The following KIR2DL1 variants were observed in gnomAD, a reference collection of about 807,000 sequenced individuals.
The protein encoded by KIR2DL1 is killer cell immunoglobulin like receptor, two Ig domains and long cytoplasmic tail 1.
Under a neutral mutation model 33.9 loss-of-function variants are expected in KIR2DL1, and 38 were observed. That is an observed-to-expected ratio of 1.12 (90% CI 0.86 to 1.47). The LOEUF (loss-of-function observed/expected upper bound fraction) is 1.47, where lower values mean the gene tolerates loss of function less well. Ranked by LOEUF, KIR2DL1 falls within the 40% of genes most tolerant of loss-of-function variation. The pLI, the probability that KIR2DL1 is intolerant of heterozygous loss-of-function variation, is 0.00. For missense variants in KIR2DL1, 531 were observed against 433.9 expected, an observed-to-expected ratio of 1.22 and a Z score of -1.99; for synonymous variants, 179 against 165.9, an observed-to-expected ratio of 1.08 and a Z score of -0.61.
intron 1 of KIR2DL1, among the ~76,000 whole-genome samples, chr19:54,770,426 G>C (rs1400612567): frequency 7.0e-6 from 1 of 142,022 alleles, no homozygotes; most frequent in Admixed American, 7.1e-5. Flanking sequence ...ACGGGCCTGG[G>C]TGTGGAGATA....
At chr19:54,782,608 G>C (rs140571425) in intron 5 of KIR2DL1, among the ~76,000 whole-genome samples, 10,129 of 128,296 alleles carry the variant, frequency 0.079, 365 homozygotes, top group Non-Finnish European at 0.1. Flanking sequence ...CAGCATTGAT[G>C]TGTTCATGAT....
chr19:54,771,468 G>C (rs1392538753), intron 2 of KIR2DL1, among the ~76,000 whole-genome samples: 1 of 147,632 alleles, frequency 6.8e-6, no homozygotes, highest in Non-Finnish European at 1.5e-5. Flanking sequence ...TTGTGTTTGC[G>C]GGATGGGTCC....
intron 1 of KIR2DL1, among the ~76,000 whole-genome samples, chr19:54,770,169 G>T (rs1459304819): frequency 6.8e-6 from 1 of 146,246 alleles, no homozygotes; most frequent in Admixed American, 6.9e-5. Context: ...GGAGATATGG[G>T]CCTGGAGGTG....
At position 54,784,026 on chromosome 19, in the gene KIR2DL1, T is replaced by G; in HGVS notation, c.*213T>G. On this transcript the variant is annotated 3_prime_UTR_variant, in exon 8 of 8. Coordinates refer to ENST00000336077, the MANE Select transcript of KIR2DL1 (RefSeq NM_014218.3). ...ACTGCCTGCTGGAGAAAAAACACACTCCTTTGCTTAACCCACAGTTCTCCA... is the reference window on the plus strand; with the variant it reads ...ACTGCCTGCTGGAGAAAAAACACACGCCTTTGCTTAACCCACAGTTCTCCA... 1.3e-6 allele frequency: 1 copy of G among 774,630 alleles called. No individual in the cohort carries two copies. The highest frequency in any genetic ancestry group is 2.1e-6 in the Non-Finnish European group (1 of 478,984). The allele number at this position is 774,630 out of a possible 1,614,324, so 48.0% of individuals were successfully genotyped here. A position where few individuals can be genotyped will look rare whatever the true frequency, so the allele number is the denominator to read the frequency against.
At chr19:54,775,586 A>T (rs2076235238) in intron 4 of KIR2DL1, 128 bp downstream of exon 4, 10 of 1,272,206 alleles carry the variant, frequency 7.9e-6, no homozygotes, top group Non-Finnish European at 3.3e-6. Context: ...TGAGGGAGGG[A>T]TCAGGGCACA....
At chr19:54,776,870 G>T (rs1272183532) in intron 4 of KIR2DL1, among the ~76,000 whole-genome samples, 1 of 147,432 alleles carries the variant, frequency 6.8e-6, no homozygotes, top group Non-Finnish European at 1.5e-5. Flanking sequence ...TCAAACTCAT[G>T]ACCTCAACTG....
At chr19:54,776,812 T>C (rs2076401257) in intron 4 of KIR2DL1, among the ~76,000 whole-genome samples, 1 of 146,582 alleles carries the variant, frequency 6.8e-6, no homozygotes, top group Non-Finnish European at 1.5e-5. Context: ...GGCTACTTTT[T>C]GGTTTTTTTA....
chr19:54,774,527 A>T (rs375341701), intron 3 of KIR2DL1, among the ~76,000 whole-genome samples: 3 of 148,468 alleles, frequency 2.0e-5, no homozygotes, highest in South Asian at 2.1e-4. Context: ...ATATAGATAG[A>T]TGATAAATAG....
At position 54,783,474 on chromosome 19, in the gene KIR2DL1, C is replaced by T. The variant is rs765425665; in HGVS notation, c.818-12C>T. On this transcript the variant is annotated splice_polypyrimidine_tract_variant and intron_variant, in intron 6 of 7. Transcript: ENST00000336077. ...CCCTCCGAGCTGTTTTGTTGACTTC[C>T]ATCTTCTACAGATGCTGCGGTAATG... 2.4e-5 allele frequency: 38 copies of T among 1,612,588 alleles called. No homozygotes were observed. The highest frequency in any genetic ancestry group is 2.0e-4 in the East Asian group (9 of 44,886).
intron 4 of KIR2DL1, among the ~76,000 whole-genome samples, chr19:54,776,313 T>C (rs2076335026): frequency 6.8e-6 from 1 of 147,970 alleles, no homozygotes; most frequent in Non-Finnish European, 1.5e-5. Context: ...CATTCTACTC[T>C]CTACCTTCAT....
intron 3 of KIR2DL1, 73 bp from the exon 4 acceptor site, chr19:54,775,092 A>T: frequency 6.8e-7 from 1 of 1,475,554 alleles, no homozygotes; most frequent in Non-Finnish European, 9.2e-7. Flanking sequence ...CAGGGGAGTG[A>T]GTTCTCAGCT....
In KIR2DL1 at chr19:54,769,825, G is replaced by A. The variant is rs200859220; in HGVS notation, c.-26G>A. The A allele has an allele frequency of 1.2e-5, 19 of 1,567,478 alleles. 4 individuals carry two copies. Among genetic ancestry groups the A allele is most frequent in the African/African-American group, 9.6e-5 (7 of 73,170 alleles). ...GCGCTGCTGAGCTGAGCTCGGTCGC[G>A]GCTGCCTGTCTGCTCCGGCAGCACC... On this transcript the variant is annotated 5_prime_UTR_variant, in exon 1 of 8. Transcript: ENST00000336077.
Position 54,770,506 on chromosome 19 carries a change from G to A in KIR2DL1, c.35-343G>A, listed in dbSNP as rs111965769. 6.4e-3 allele frequency among the ~76,000 whole-genome samples: 944 copies of A among 146,504 alleles called. 48 individuals are homozygous for A. Among genetic ancestry groups the A allele is most frequent in the African/African-American group, 0.022 (881 of 40,082 alleles). On this transcript the variant is annotated intron_variant, in intron 1 of 7. Coordinates refer to ENST00000336077, the MANE Select transcript of KIR2DL1 (RefSeq NM_014218.3). ...TGGAGAGGAGATATGGACCTGGAGT[G>A]GAGATAAGGGCCTGGATTGGAGATA...
rs1178229416 is a variant in KIR2DL1, at chr19:54,781,835, T to G, written c.716-1087T>G. ...CCTTGGAGAATGCAAGTTGTTTGAT[T>G]CAAGAATGCTGTGGATGTAGAAACC... On this transcript the variant is annotated intron_variant, in intron 5 of 7. Coordinates refer to ENST00000336077, the MANE Select transcript of KIR2DL1 (RefSeq NM_014218.3). Among the ~76,000 whole-genome samples, 7 of 152,092 alleles carry G rather than the reference T, an allele frequency of 4.6e-5. No homozygotes were observed. In the South Asian group the frequency reaches 1.0e-3, roughly 22 times the overall value.
rs1166932235 is a variant in KIR2DL1 at position 54,775,906 on chromosome 19, T to C, written c.664+448T>C. Among the ~76,000 whole-genome samples the C allele has an allele frequency of 2.6e-4, 39 of 147,386 alleles. 2 individuals carry two copies. The highest frequency in any genetic ancestry group is 7.7e-4 in the African/African-American group (31 of 40,376). On this transcript the variant is annotated intron_variant, in intron 4 of 7. Coordinates refer to ENST00000336077, the MANE Select transcript of KIR2DL1 (RefSeq NM_014218.3). ...ATAGCTTACCACTTTTAACATTTTT[T>C]TTTGAGGTGGAGTCTAGCTCTGTCC...
rs753935208 is a variant in KIR2DL1 at position 54,773,511 on chromosome 19, C to A, written c.249C>A (p.Ala83=). The change falls in exon 3 of 8, where the codon GCC becomes GCA. Residue 83 remains alanine (A), a synonymous_variant. Transcript: ENST00000336077. The part of the protein sequence containing the change: ...IGEHHDGVSK[A]NFSISRMTQD... ...AACACCATGATGGGGTCTCCAAGGC[C>A]AACTTCTCCATCAGTCGCATGACGC... The A allele has an allele frequency of 2.8e-5, 44 of 1,584,592 alleles. No individual in the cohort carries two copies. Among genetic ancestry groups the A allele is most frequent in the Admixed American group, 2.0e-4 (12 of 58,938 alleles).
intron 1 of KIR2DL1, 62 bp from the exon 2 acceptor site, chr19:54,770,787 G>A (rs2075617956): frequency 3.2e-6 from 5 of 1,566,030 alleles, no homozygotes; most frequent in South Asian, 1.1e-5. Context: ...AGCCCAGTGG[G>A]GGCAGCAAGG....
chr19:54,780,788 T>G (rs2076852405), intron 5 of KIR2DL1, among the ~76,000 whole-genome samples: 2 of 133,670 alleles, frequency 1.5e-5, no homozygotes, highest in Admixed American at 1.6e-4. Context: ...ATTAATTTCT[T>G]TCTGAGATTT....
At chr19:54,777,645 T>G (rs1261255603) in intron 4 of KIR2DL1, among the ~76,000 whole-genome samples, 2 of 147,464 alleles carry the variant, frequency 1.4e-5, no homozygotes, top group Admixed American at 1.4e-4. Flanking sequence ...GTTGGTTTAT[T>G]TTTAGCAGTG....
Sources: gnomAD v4.1 joint callset for allele counts (sites outside exome capture counted in the v4.1 genomes callset) on GRCh38, gnomAD v4.1.1 for gene constraint, MANE v1.5 for transcripts, NCBI Gene and HGNC (gene_info 2026-07-23, HGNC 2026-07-21) for gene names.